IGSF3: variants seen among roughly 807,000 people sequenced by gnomAD.
The protein encoded by IGSF3 is immunoglobulin superfamily member 3.
A neutral mutation model predicts 114.4 loss-of-function variants in IGSF3; 23 were observed. The ratio of observed to expected loss-of-function variants is 0.20; its 90% CI spans 0.14 to 0.28. The LOEUF is 0.28. Ranked by LOEUF, IGSF3 falls within the 10% of genes least tolerant of loss-of-function variation. IGSF3 has a pLI of 1.00. For missense variants in IGSF3, 1,172 were observed against 1,591.5 expected, an observed-to-expected ratio of 0.74 and a Z score of 4.48; for synonymous variants, 571 against 645.2, an observed-to-expected ratio of 0.88 and a Z score of 1.74.
rs1429181569 is a variant in IGSF3, at chr1:116,638,676, T to C, written c.44-22219A>G. On this transcript the variant is annotated intron_variant, in intron 2 of 10. Coordinates refer to ENST00000369486, the MANE Select transcript of IGSF3 (RefSeq NM_001007237.3). This position sits in a 1 kb window ranked among gnomAD's most constrained non-coding sequence, Gnocchi z 4.1. ...TTGTGTTGGTGAGCTAAAAACAAGA[T>C]GGAAAAGAAAAGAGAAGAGGAAGAG... Among the ~76,000 whole-genome samples, 1 of 151,310 alleles carries C rather than the reference T, an allele frequency of 6.6e-6. No individual in the cohort carries two copies. Among genetic ancestry groups the C allele is most frequent in the East Asian group, 1.9e-4 (1 of 5,166 alleles).
In IGSF3 at chr1:116,625,391, C is replaced by T. The variant is rs931410036; in HGVS notation, c.44-8934G>A. ...CAAAGCACAAGGGAAATATATACCA[C>T]GTGAAAACACTGCAGTGCATTCCAG... On this transcript the variant is annotated intron_variant, in intron 2 of 10. Coordinates refer to ENST00000369486, the MANE Select transcript of IGSF3 (RefSeq NM_001007237.3). This position sits in a 1 kb window ranked among gnomAD's most constrained non-coding sequence, Gnocchi z 4.7. Among the ~76,000 whole-genome samples the T allele has an allele frequency of 2.0e-5, 3 of 152,226 alleles. No individual in the cohort carries two copies. The highest frequency in any genetic ancestry group is 2.9e-5 in the Non-Finnish European group (2 of 68,048).
chr1:116,605,670 G>A lies in IGSF3; in HGVS notation c.1223-1645C>T, dbSNP rs560412217. Among the ~76,000 whole-genome samples the A allele has an allele frequency of 2.2e-3, 338 of 152,300 alleles. 1 individual carries two copies. The highest frequency in any genetic ancestry group is 7.7e-3 in the African/African-American group (321 of 41,568). On this transcript the variant is annotated intron_variant, in intron 5 of 10. Transcript: ENST00000369486. The surrounding 1 kb of genome is among the most constrained non-coding windows in gnomAD (Gnocchi z 5.1). ...CCTACTTCTTAGGGCATGACATTGA[G>A]AGGATCAGATGAGGTACTTATTTTT...
intron 8 of IGSF3, among the ~76,000 whole-genome samples, chr1:116,586,389 T>TTG (rs372655724): frequency 0.023 from 3,421 of 151,540 alleles, 114 homozygotes; most frequent in African/African-American, 0.073. Context: ...GGGGGGATTT[T>TTG]TGTGTGTGTG....
rs545090198 is a variant in IGSF3 at position 116,598,331 on chromosome 1, T to TA, written c.2029+1609_2029+1610insT. On this transcript the variant is annotated intron_variant, in intron 7 of 10. Transcript: ENST00000369486. This position sits in a 1 kb window ranked among gnomAD's most constrained non-coding sequence, Gnocchi z 4.3. ...GCAGGCAAGTGGGTACCTCGACATT[T>TA]TCCACAACAAGGGTTCACATAAAAT... Among the ~76,000 whole-genome samples, 74 of 152,266 alleles carry TA rather than the reference T, an allele frequency of 4.9e-4. No individual in the cohort carries two copies. The highest frequency in any genetic ancestry group is 1.7e-3 in the African/African-American group (71 of 41,530).
In IGSF3 at chr1:116,655,251, G is replaced by A. The variant is rs573060498; in HGVS notation, c.43+11033C>T. On this transcript the variant is annotated intron_variant, in intron 2 of 10. Transcript: ENST00000369486. This position sits in a 1 kb window ranked among gnomAD's most constrained non-coding sequence, Gnocchi z 4.3. Reference sequence around the variant, plus strand: ...TGAACTTCTTGGGAAAGCCTTCTTAGGAAAAGTATTAGAAGTAGATTCTAC... The same window carrying A: ...TGAACTTCTTGGGAAAGCCTTCTTAAGAAAAGTATTAGAAGTAGATTCTAC... Among the ~76,000 whole-genome samples the A allele has an allele frequency of 4.6e-5, 7 of 152,328 alleles. No homozygotes were observed. In the East Asian group the frequency reaches 9.6e-4, roughly 21 times the overall value.
rs1649107384 is a variant in IGSF3 at position 116,661,326 on chromosome 1, T to G, written c.43+4958A>C. Among the ~76,000 whole-genome samples, 1 of 152,084 alleles carries G rather than the reference T, an allele frequency of 6.6e-6. No individual in the cohort carries two copies. Among genetic ancestry groups the G allele is most frequent in the South Asian group, 2.1e-4 (1 of 4,826 alleles). On this transcript the variant is annotated intron_variant, in intron 2 of 10. Transcript: ENST00000369486. This position sits in a 1 kb window ranked among gnomAD's most constrained non-coding sequence, Gnocchi z 4.0. Reference sequence around the variant, plus strand: ...TAAAATAACTGAACACCTGCTTACTTTGCATGGCACAAGGCTGAGTTCTGG... The same window carrying G: ...TAAAATAACTGAACACCTGCTTACTGTGCATGGCACAAGGCTGAGTTCTGG...
chr1:116,615,262 G>A lies in IGSF3; in HGVS notation c.421+818C>T, dbSNP rs546477521. Among the ~76,000 whole-genome samples the A allele has an allele frequency of 5.3e-5, 8 of 150,380 alleles. No homozygotes were observed. Among genetic ancestry groups the A allele is most frequent in the South Asian group, 2.1e-4 (1 of 4,766 alleles). On this transcript the variant is annotated intron_variant, in intron 3 of 10. Transcript: ENST00000369486. The surrounding 1 kb of genome is among the most constrained non-coding windows in gnomAD (Gnocchi z 4.3). The stretch of plus-strand genomic sequence containing the variant: ...GCACTCCAGCCTGGGCAACAAGAGC[G>A]AAGCTCCATCACACATACACACATA...
intron 2 of IGSF3, among the ~76,000 whole-genome samples, chr1:116,639,403 G>A (rs1315656128): frequency 6.6e-6 from 1 of 152,198 alleles, no homozygotes; most frequent in Non-Finnish European, 1.5e-5. Flanking sequence ...GCAAAGCCCA[G>A]CTCAAGTCCT....
At chr1:116,641,852 C>CTT (rs879719145) in intron 2 of IGSF3, among the ~76,000 whole-genome samples, 2 of 143,468 alleles carry the variant, frequency 1.4e-5, no homozygotes, top group South Asian at 2.2e-4. Context: ...AGATTTCTTT[C>CTT]TTTTTTTTTT....
chr1:116,577,821 A>G lies in IGSF3; in HGVS notation c.3335-259T>C, dbSNP rs1426930099. ...ATTGAGAGCCATTATTGCTGCTTGG[A>G]AAGCCACATAATGAAACATAATTTA... On this transcript the variant is annotated intron_variant, in intron 10 of 10. Transcript: ENST00000369486. This position sits in a 1 kb window ranked among gnomAD's most constrained non-coding sequence, Gnocchi z 5.7. Among the ~76,000 whole-genome samples the G allele has an allele frequency of 6.6e-6, 1 of 152,186 alleles. No homozygotes were observed. Among genetic ancestry groups the G allele is most frequent in the Admixed American group, 6.5e-5 (1 of 15,282 alleles).
Position 116,644,584 on chromosome 1 carries a change from A to G in IGSF3, c.43+21700T>C, listed in dbSNP as rs1387799722. Among the ~76,000 whole-genome samples, 2 of 152,234 alleles carry G rather than the reference A, an allele frequency of 1.3e-5. No homozygotes were observed. The highest frequency in any genetic ancestry group is 2.9e-5 in the Non-Finnish European group (2 of 68,034). On this transcript the variant is annotated intron_variant, in intron 2 of 10. Coordinates refer to ENST00000369486, the MANE Select transcript of IGSF3 (RefSeq NM_001007237.3). The surrounding 1 kb of genome is among the most constrained non-coding windows in gnomAD (Gnocchi z 5.6). ...CACAGAATGGACTGTTCCAGTGTCC[A>G]TGGGCTGCAAGTGGGTCCCACGTCA...
intron 2 of IGSF3, among the ~76,000 whole-genome samples, chr1:116,659,983 A>T (rs1240970256): frequency 1.3e-5 from 2 of 152,158 alleles, no homozygotes; most frequent in African/African-American, 2.4e-5. Flanking sequence ...AAAGCCAGGG[A>T]CCACGAGAGG....
At position 116,649,110 on chromosome 1, in the gene IGSF3, C is replaced by T. The variant is rs1054104379; in HGVS notation, c.43+17174G>A. 3.3e-5 allele frequency among the ~76,000 whole-genome samples: 5 copies of T among 152,246 alleles called. No homozygotes were observed. Among genetic ancestry groups the T allele is most frequent in the Non-Finnish European group, 7.3e-5 (5 of 68,040 alleles). On this transcript the variant is annotated intron_variant, in intron 2 of 10. Transcript: ENST00000369486. The surrounding 1 kb of genome is among the most constrained non-coding windows in gnomAD (Gnocchi z 4.5). ...CCCATTACAGCTTCAGATCTCGCTT[C>T]TACCAGGATTTCCCAGCTGAGCAAG... is the stretch of plus-strand genomic sequence containing the variant.
chr1:116,629,150 C>T lies in IGSF3; in HGVS notation c.44-12693G>A, dbSNP rs1247104422. On this transcript the variant is annotated intron_variant, in intron 2 of 10. Coordinates refer to ENST00000369486, the MANE Select transcript of IGSF3 (RefSeq NM_001007237.3). This position sits in a 1 kb window ranked among gnomAD's most constrained non-coding sequence, Gnocchi z 4.3. ...CATCAGTCAATTACAGCACTCTCCC[C>T]ATGTGGTGAAATAGTATGCAACCAT... is the stretch of plus-strand genomic sequence containing the variant. Among the ~76,000 whole-genome samples, 25 of 152,188 alleles carry T rather than the reference C, an allele frequency of 1.6e-4. No homozygotes were observed. The highest frequency in any genetic ancestry group is 2.9e-5 in the Non-Finnish European group (2 of 68,032).
Position 116,616,963 on chromosome 1 carries a change from T to C in IGSF3, c.44-506A>G, listed in dbSNP as rs1661242530. Among the ~76,000 whole-genome samples the C allele has an allele frequency of 6.6e-6, 1 of 152,124 alleles. No individual in the cohort carries two copies. The highest frequency in any genetic ancestry group is 2.1e-4 in the South Asian group (1 of 4,828). On this transcript the variant is annotated intron_variant, in intron 2 of 10. Transcript: ENST00000369486. This position sits in a 1 kb window ranked among gnomAD's most constrained non-coding sequence, Gnocchi z 6.6. The stretch of plus-strand genomic sequence containing the variant: ...TTTACTGGTGCTGCACCCTTCAATT[T>C]CCCATGTAGCTGCTCCCCAACACCA...
rs1202844589 is a variant in IGSF3 at position 116,595,627 on chromosome 1, C to G, written c.2029+4314G>C. Among the ~76,000 whole-genome samples, 1 of 152,202 alleles carries G rather than the reference C, an allele frequency of 6.6e-6. No homozygotes were observed. The highest frequency in any genetic ancestry group is 2.4e-5 in the African/African-American group (1 of 41,440). On this transcript the variant is annotated intron_variant, in intron 7 of 10. Transcript: ENST00000369486. This position sits in a 1 kb window ranked among gnomAD's most constrained non-coding sequence, Gnocchi z 4.2. Reference sequence around the variant, plus strand: ...CAGCAGAATACACCCTCTGACAAGTCGGCTTTCCACCACTAGAGGCTGTCC... The same window carrying G: ...CAGCAGAATACACCCTCTGACAAGTGGGCTTTCCACCACTAGAGGCTGTCC...
intron 2 of IGSF3, among the ~76,000 whole-genome samples, chr1:116,622,558 T>C (rs1661458615): frequency 6.6e-6 from 1 of 152,212 alleles, no homozygotes; most frequent in African/African-American, 2.4e-5. Context: ...TTGAGTGATT[T>C]TCTCCTCTCC....
intron 2 of IGSF3, among the ~76,000 whole-genome samples, chr1:116,630,274 C>T (rs1459875969): frequency 6.6e-6 from 1 of 152,188 alleles, no homozygotes; most frequent in Non-Finnish European, 1.5e-5. Context: ...ATCAGAGAAG[C>T]CTCTTTGGAA....
rs1173567030 is a variant in IGSF3 at position 116,575,918 on chromosome 1, G to A, written c.*1394C>T. On this transcript the variant is annotated 3_prime_UTR_variant, in exon 11 of 11. Transcript: ENST00000369486. This position sits in a 1 kb window ranked among gnomAD's most constrained non-coding sequence, Gnocchi z 5.6. ...AGAACCACAAGAGAGATCAAGAAAG[G>A]GAAAGGAAAAATCCCACAGACAATG... is the stretch of plus-strand genomic sequence containing the variant. The A allele has an allele frequency of 6.6e-6, 1 of 152,106 alleles. No homozygotes were observed. Among genetic ancestry groups the A allele is most frequent in the African/African-American group, 2.4e-5 (1 of 41,390 alleles). 9.4% of individuals were successfully genotyped at this position (152,106 alleles called of 1,614,324 possible).
Sources: gnomAD v4.1 joint callset for allele counts (sites outside exome capture counted in the v4.1 genomes callset) on GRCh38, gnomAD v4.1.1 for gene constraint, Gnocchi (gnomAD v3.1) non-coding constraint, MANE v1.5 for transcripts, NCBI Gene and HGNC (gene_info 2026-07-23, HGNC 2026-07-21) for gene names.